The following POGZ variants were observed in gnomAD, a reference collection of about 807,000 sequenced individuals.
POGZ encodes the protein pogo transposable element derived with ZNF domain.
A neutral mutation model predicts 134.6 loss-of-function variants in POGZ; 17 were observed. The ratio of observed to expected loss-of-function variants is 0.13; its 90% CI spans 0.09 to 0.19. The LOEUF is 0.19. POGZ is among the 10% of genes least tolerant of loss of function. POGZ has a pLI of 1.00. For synonymous variants in POGZ, 693 were observed against 657.1 expected, an observed-to-expected ratio of 1.05 and a Z score of -0.84; for missense variants, 1,306 against 1,769.7, an observed-to-expected ratio of 0.74 and a Z score of 4.70.
chr1:151,434,066 T>G (rs549512853), intron 3 of POGZ, among the ~76,000 whole-genome samples: 34 of 152,246 alleles, frequency 2.2e-4, no homozygotes, highest in African/African-American at 7.7e-4. Context: ...GTCAGCACTT[T>G]GGGAGGCCGA....
chr1:151,445,894 T>A (rs4970952), intron 1 of POGZ, among the ~76,000 whole-genome samples: 148,518 of 152,204 alleles, frequency 0.98, 72,585 homozygotes, highest in Middle Eastern at 1. Flanking sequence ...AGAAAATTCA[T>A]ATTTAGATCC....
At chr1:151,419,622 T>C (rs772784054) in intron 10 of POGZ, among the ~76,000 whole-genome samples, 1 of 129,572 alleles carries the variant, frequency 7.7e-6, no homozygotes, top group African/African-American at 2.9e-5. Context: ...TAAGCCAAGA[T>C]TGTGCCACTG....
chr1:151,432,302 A>G (rs939971847), intron 3 of POGZ, among the ~76,000 whole-genome samples: 3 of 152,208 alleles, frequency 2.0e-5, no homozygotes, highest in African/African-American at 7.2e-5. Context: ...TTGGCAGGTT[A>G]TATCACCACA....
At chr1:151,406,548 A>G in intron 18 of POGZ, 59 bp downstream of exon 18, 1 of 1,551,176 alleles carries the variant, frequency 6.4e-7, no homozygotes, top group Non-Finnish European at 8.7e-7. Context: ...TAATAATAAT[A>G]ATAACAGAGT....
At chr1:151,442,020 A>G (rs1419907960) in intron 2 of POGZ, 61 bp downstream of exon 2, 4 of 1,300,062 alleles carry the variant, frequency 3.1e-6, no homozygotes, top group African/African-American at 1.5e-5. Flanking sequence ...CACTTTGTTA[A>G]CCAAAATACC....
At chr1:151,419,072 G>C (rs953843076) in intron 10 of POGZ, among the ~76,000 whole-genome samples, 1 of 147,422 alleles carries the variant, frequency 6.8e-6, no homozygotes, top group Admixed American at 6.8e-5. Flanking sequence ...AGTTACTTTC[G>C]ACCGGGCATG....
chr1:151,409,128 A>G lies in POGZ; in HGVS notation c.1927-300T>C, dbSNP rs544206260. ...GTGATGTAACCTTTATTTGTATTAT[A>G]TCTTTACACTGCTGACAACTGGACA... is the stretch of plus-strand genomic sequence containing the variant. On this transcript the variant is annotated intron_variant, in intron 12 of 18. Coordinates refer to ENST00000271715, the MANE Select transcript of POGZ (RefSeq NM_015100.4). Among the ~76,000 whole-genome samples the G allele has an allele frequency of 7.2e-5, 11 of 152,324 alleles. 1 individual carries two copies. In the South Asian group the frequency reaches 2.3e-3, roughly 32 times the overall value.
chr1:151,418,264 C>T (rs1656141276), intron 10 of POGZ, among the ~76,000 whole-genome samples: 1 of 151,386 alleles, frequency 6.6e-6, no homozygotes, highest in African/African-American at 2.4e-5. Context: ...ATTATAGCCA[C>T]AAAAAAGAAT....
In POGZ at chr1:151,408,012, CAA is replaced by C. The variant is rs776996426; in HGVS notation, c.2375+86_2375+87del. The C allele has an allele frequency of 1.0e-4, 94 of 910,144 alleles. No individual in the cohort carries two copies. The East Asian group carries it at 1.5e-3, about 15-fold the overall frequency. The allele number at this position is 910,144 out of a possible 1,614,324, so 56.4% of individuals were successfully genotyped here. On this transcript the variant is annotated intron_variant, in intron 15 of 18. Transcript: ENST00000271715. ...AGGGGACAGAGTGAGACCCTGTCTT[CAA>C]AAAAAAAAAAAAAAAAAGAAGAAGA...
At chr1:151,422,812 G>A (rs1055829095) in intron 10 of POGZ, among the ~76,000 whole-genome samples, 18 of 152,110 alleles carry the variant, frequency 1.2e-4, no homozygotes, top group African/African-American at 1.7e-4. Context: ...GGCTGGTCTC[G>A]AATTCCTGAC....
intron 1 of POGZ, among the ~76,000 whole-genome samples, chr1:151,449,888 A>G (rs1410147820): frequency 6.6e-6 from 1 of 152,252 alleles, no homozygotes; most frequent in East Asian, 1.9e-4. Flanking sequence ...CTCCGTCTCA[A>G]AAACTCTGCA....
Position 151,428,198 on chromosome 1 carries a change from T to C in POGZ, c.784A>G (p.Thr262Ala). ...AGTTGCCCCAGTGAGGTTGGCTGTGTGGCAGTGGGAGTGGTAGAAGTGCTG... is the reference window on the plus strand; with the variant it reads ...AGTTGCCCCAGTGAGGTTGGCTGTGCGGCAGTGGGAGTGGTAGAAGTGCTG... ...TPSTSTTPTA[T>A]QPTSLGQLAV... Residue 262 changes from threonine (T) to alanine (A), a missense_variant, in exon 6 of 19, where the codon ACA becomes GCA. Thr to Ala is a moderately conservative substitution (Grantham distance 58, BLOSUM62 0). Coordinates refer to ENST00000271715, the MANE Select transcript of POGZ (RefSeq NM_015100.4). 6.2e-7 allele frequency: 1 copy of C among 1,614,166 alleles called. No homozygotes were observed. The highest frequency in any genetic ancestry group is 8.5e-7 in the Non-Finnish European group (1 of 1,180,018).
chr1:151,417,149 C>T (rs1424893372), intron 10 of POGZ, among the ~76,000 whole-genome samples: 22 of 151,190 alleles, frequency 1.5e-4, no homozygotes, highest in Non-Finnish European at 2.4e-4. Context: ...CTGCAACCTT[C>T]GCCTCCCGGG....
intron 10 of POGZ, among the ~76,000 whole-genome samples, chr1:151,418,939 C>A (rs888204093): frequency 7.0e-6 from 1 of 142,510 alleles, no homozygotes; most frequent in East Asian, 2.1e-4. Context: ...GCAGGAGAAT[C>A]GCTTGAAACC....
chr1:151,450,160 T>C (rs1661867893), intron 1 of POGZ, among the ~76,000 whole-genome samples: 1 of 150,008 alleles, frequency 6.7e-6, no homozygotes, highest in African/African-American at 2.4e-5. Flanking sequence ...GTCTCCCAAG[T>C]AGCTGGGACT....
At chr1:151,427,783 T>G (rs766893916) in intron 7 of POGZ, 40 bp downstream of exon 7, 1 of 1,313,688 alleles carries the variant, frequency 7.6e-7, no homozygotes, top group Non-Finnish European at 1.1e-6. Flanking sequence ...ATTAATGTTT[T>G]TGAATGACTG....
At chr1:151,411,051 C>G (rs906032681) in intron 12 of POGZ, among the ~76,000 whole-genome samples, 3 of 152,198 alleles carry the variant, frequency 2.0e-5, no homozygotes, top group African/African-American at 4.8e-5. Context: ...TTAATCCATT[C>G]TCTGCAGTGC....
At chr1:151,435,471 T>C (rs892161947) in intron 3 of POGZ, among the ~76,000 whole-genome samples, 1 of 150,014 alleles carries the variant, frequency 6.7e-6, no homozygotes, top group Non-Finnish European at 1.5e-5. Flanking sequence ...AGTAAAAATA[T>C]TCCAAAATTT....
chr1:151,449,473 C>T (rs1482041362), intron 1 of POGZ, among the ~76,000 whole-genome samples: 1 of 151,924 alleles, frequency 6.6e-6, no homozygotes, highest in Non-Finnish European at 1.5e-5. Flanking sequence ...ATTATCCGAC[C>T]CTAAATGTCA....
Sources: gnomAD v4.1 joint callset for allele counts (sites outside exome capture counted in the v4.1 genomes callset) on GRCh38, gnomAD v4.1.1 for gene constraint, MANE v1.5 for transcripts, NCBI Gene and HGNC (gene_info 2026-07-23, HGNC 2026-07-21) for gene names.